The following CDHR2 variants were observed in gnomAD, a reference collection of about 807,000 sequenced individuals.
The protein encoded by CDHR2 is cadherin related family member 2.
A neutral mutation model predicts 138.6 loss-of-function variants in CDHR2; 104 were observed. That is an observed-to-expected ratio of 0.75 (90% CI 0.64 to 0.88). The LOEUF is 0.88. CDHR2 is among the 40% of genes least tolerant of loss of function. The pLI is 0.00. For synonymous variants in CDHR2, 755 were observed against 742.8 expected (o/e 1.02, Z -0.27); for missense variants, 1,624 against 1,727.6 (o/e 0.94, Z 1.06).
chr5:176,586,180 A>G (rs1758661327), intron 20 of CDHR2, among the ~76,000 whole-genome samples, 155 bp downstream of exon 20: 1 of 152,008 alleles, frequency 6.6e-6, no homozygotes, highest in African/African-American at 2.4e-5. Context: ...AGGAGAGGAC[A>G]TTGGAGTTTT....
upstream of CDHR2, among the ~76,000 whole-genome samples, chr5:176,548,566 C>T (rs1455544620): frequency 2.0e-5 from 3 of 152,202 alleles, no homozygotes; most frequent in South Asian, 6.2e-4. Flanking sequence ...ATGGTGAAAC[C>T]CTGTTTCTAC....
At chr5:176,589,214 C>CG in intron 22 of CDHR2, 32 bp downstream of exon 22, 1 of 1,612,528 alleles carries the variant, frequency 6.2e-7, no homozygotes, top group Non-Finnish European at 8.5e-7. Flanking sequence ...AGGGAGGTTG[C>CG]GGGGAGGGGC....
intron 20 of CDHR2, 89 bp downstream of exon 20, chr5:176,586,114 G>A: frequency 9.8e-7 from 1 of 1,021,566 alleles, no homozygotes; most frequent in Non-Finnish European, 1.5e-6. Flanking sequence ...GACCCCAGGG[G>A]GAGCCTTTAG....
At chr5:176,578,861 C>A (rs779648973) in intron 16 of CDHR2, among the ~76,000 whole-genome samples, 3 of 152,188 alleles carry the variant, frequency 2.0e-5, no homozygotes, top group Non-Finnish European at 4.4e-5. Context: ...ACATACACTT[C>A]TTTTTTATTT....
At chr5:176,563,437 G>A (rs1183420547) in intron 1 of CDHR2, among the ~76,000 whole-genome samples, 1 of 152,064 alleles carries the variant, frequency 6.6e-6, no homozygotes, top group Non-Finnish European at 1.5e-5. Flanking sequence ...AGCTGTAATT[G>A]CTTTAATTTG....
intron 19 of CDHR2, 101 bp downstream of exon 19, chr5:176,585,116 C>T (rs1362707098): frequency 3.0e-5 from 41 of 1,348,152 alleles, no homozygotes; most frequent in Non-Finnish European, 3.6e-5. Flanking sequence ...CAGATCTTGG[C>T]TCCAGCCCTT....
rs535394859 is a variant in CDHR2, at chr5:176,590,433, G to A, written c.3362G>A (p.Arg1121Gln). Reference protein sequence around the residue: ...LTLDELSVMIRNDQDSLTQLL... With the variant: ...LTLDELSVMIQNDQDSLTQLL... ...TGGAGTTCTGTGGCCAGGATGATCC[G>A]GAATGATCAGGACTCGCTGACGCAG... The change falls in exon 27 of 32, where the codon CGG (arginine) becomes CAG (glutamine). Residue 1121 changes from arginine (R) to glutamine (Q), a missense_variant. Transcript: ENST00000261944. 1.2e-5 allele frequency: 19 copies of A among 1,614,044 alleles called. No homozygotes were observed. The highest frequency in any genetic ancestry group is 1.1e-4 in the South Asian group (10 of 91,074).
intron 23 of CDHR2, 30 bp downstream of exon 23, chr5:176,589,468 A>G (rs774517717): frequency 1.9e-6 from 3 of 1,610,444 alleles, no homozygotes; most frequent in South Asian, 1.1e-5. Flanking sequence ...CCAGCCCCCA[A>G]CGCCCTCTGC....
chr5:176,584,693 T>TC lies in CDHR2; in HGVS notation c.2418dup (p.Thr807HisfsTer14), dbSNP rs1379022718. 1.9e-6 allele frequency: 3 copies of TC among 1,613,886 alleles called. No individual in the cohort carries two copies. In the Admixed American group the frequency reaches 5.0e-5, roughly 27 times the overall value. On this transcript the variant is annotated frameshift_variant, in exon 19 of 32. Coordinates refer to ENST00000261944, the MANE Select transcript of CDHR2 (RefSeq NM_017675.6). LOFTEE classifies it high-confidence loss of function. ...TGAATGTGAAAGACGTGAACGACAA[T>TC]CCCCCCACCCTGGATGTAGCCTCAC...
chr5:176,575,009 C>T, intron 7 of CDHR2, 75 bp from the exon 8 acceptor site: 4 of 1,576,796 alleles, frequency 2.5e-6, no homozygotes, highest in South Asian at 1.1e-5. Context: ...TGGGACCTTC[C>T]CTGCGTTGCT....
rs3749626 is a variant in CDHR2, at chr5:176,586,809, C to T, written c.2823C>T (p.Leu941=). 1.1e-4 allele frequency: 182 copies of T among 1,609,358 alleles called. No homozygotes were observed. In the East Asian group the frequency reaches 2.6e-3, roughly 23 times the overall value. The part of the protein sequence containing the change: ...ENKTFVIIPE[L]VLPNREVASV... ...CACCTGCAGTGATCATCCCTGAACT[C>T]GTGCTGCCCAACCGGGAGGTGGCTT... Residue 941 remains leucine, a synonymous_variant, in exon 21 of 32, where the codon CTC becomes CTT. Coordinates refer to ENST00000261944, the MANE Select transcript of CDHR2 (RefSeq NM_017675.6).
chr5:176,594,073 T>C (rs1214513598), intron 31 of CDHR2, among the ~76,000 whole-genome samples: 1 of 151,936 alleles, frequency 6.6e-6, no homozygotes, highest in African/African-American at 2.4e-5. Context: ...GGGAGTGGAG[T>C]TAAGGACCCC....
chr5:176,559,575 C>T (rs962311789), intron 1 of CDHR2, among the ~76,000 whole-genome samples: 5 of 152,136 alleles, frequency 3.3e-5, no homozygotes, highest in Non-Finnish European at 7.4e-5. Context: ...TGTTTTCCTT[C>T]TCTGTTTCTC....
chr5:176,575,598 C>T lies in CDHR2; in HGVS notation c.844+17C>T, dbSNP rs368970243. The T allele has an allele frequency of 1.9e-6, 3 of 1,613,290 alleles. No homozygotes were observed. Among genetic ancestry groups the T allele is most frequent in the African/African-American group, 2.7e-5 (2 of 74,910 alleles). The stretch of plus-strand genomic sequence containing the variant: ...GCATCTCCTGTGAGAACGGGGTGTC[C>T]CCAGGCCAGGGCTGGGCCGGGGCCA... On this transcript the variant is annotated intron_variant, in intron 10 of 31. Transcript: ENST00000261944.
upstream of CDHR2, among the ~76,000 whole-genome samples, chr5:176,548,787 A>T (rs1757642008): frequency 6.6e-6 from 1 of 151,954 alleles, no homozygotes; most frequent in African/African-American, 2.4e-5. Flanking sequence ...TTGGGAGTGG[A>T]TGAAGCCCCT....
intron 21 of CDHR2, among the ~76,000 whole-genome samples, chr5:176,587,139 C>A (rs528660154): frequency 6.6e-6 from 1 of 152,332 alleles, no homozygotes; most frequent in Admixed American, 6.5e-5. Flanking sequence ...TAAGCCAGTG[C>A]CTTGTCATTA....
chr5:176,573,187 T>G (rs897755601), intron 6 of CDHR2, among the ~76,000 whole-genome samples: 5 of 144,010 alleles, frequency 3.5e-5, no homozygotes, highest in Admixed American at 6.9e-5. Flanking sequence ...AGGGGGAGGG[T>G]GAGGAGGAGG....
At chr5:176,594,547 G>A (rs1758969664) in intron 31 of CDHR2, among the ~76,000 whole-genome samples, 1 of 152,232 alleles carries the variant, frequency 6.6e-6, no homozygotes, top group Non-Finnish European at 1.5e-5. Context: ...GGCAGGGGCA[G>A]ACCAGAACCC....
chr5:176,586,581 T>C, intron 20 of CDHR2: 1 of 554,272 alleles, frequency 1.8e-6, no homozygotes, highest in Middle Eastern at 4.7e-4. Flanking sequence ...CATTTCCGCA[T>C]GGTCCTGTGG....
Sources: gnomAD v4.1 joint callset for allele counts (sites outside exome capture counted in the v4.1 genomes callset) on GRCh38, gnomAD v4.1.1 for gene constraint, MANE v1.5 for transcripts, NCBI Gene and HGNC (gene_info 2026-07-23, HGNC 2026-07-21) for gene names.